The following TRPM2 variants were observed in gnomAD, a reference collection of about 807,000 sequenced individuals.
TRPM2 encodes the protein transient receptor potential cation channel subfamily M member 2.
TRPM2 carries 161 observed loss-of-function variants against 174.0 expected under a neutral mutation model. That is an observed-to-expected ratio of 0.93 (90% confidence interval 0.81 to 1.05). The LOEUF (loss-of-function observed/expected upper bound fraction) is 1.05. Among genes scored for constraint, TRPM2 ranks in the 50% least tolerant of loss-of-function variants. TRPM2 has a pLI of 0.00. For synonymous variants in TRPM2, 954 were observed against 861.3 expected, an observed-to-expected ratio of 1.11 and a Z score of -1.88; for missense variants, 2,057 against 2,038.0, an observed-to-expected ratio of 1.01 and a Z score of -0.18.
At chr21:44,407,299 TA>T (rs2049936082) in intron 19 of TRPM2, among the ~76,000 whole-genome samples, 1 of 148,500 alleles carries the variant, frequency 6.7e-6, no homozygotes, top group Non-Finnish European at 1.5e-5. Context: ...CTAATTTTTG[TA>T]TTTTTTGTAG....
intron 22 of TRPM2, among the ~76,000 whole-genome samples, chr21:44,420,280 G>A (rs534711651): frequency 1.8e-4 from 28 of 152,164 alleles, no homozygotes; most frequent in African/African-American, 5.8e-4. Flanking sequence ...ATCCCCTGTC[G>A]TTCTGGAATC....
chr21:44,441,612 T>C, intron 31 of TRPM2, 80 bp from the exon 32 acceptor site: 1 of 1,492,616 alleles, frequency 6.7e-7, no homozygotes, highest in Non-Finnish European at 8.9e-7. Flanking sequence ...CCCCAAGCCC[T>C]CGAAGGCTGC....
chr21:44,436,984 AG>A, intron 28 of TRPM2, 77 bp from the exon 29 acceptor site: 2 of 1,315,784 alleles, frequency 1.5e-6, no homozygotes. Flanking sequence ...CGCCCCAGGC[AG>A]GGCCAGCCCC....
intron 8 of TRPM2, 108 bp from the exon 9 acceptor site, chr21:44,382,610 G>T (rs1012302991): frequency 1.9e-6 from 2 of 1,025,824 alleles, no homozygotes; most frequent in Middle Eastern, 2.3e-4. Context: ...ACAAGCGCAG[G>T]CAGGACCCAA....
intron 29 of TRPM2, among the ~76,000 whole-genome samples, chr21:44,437,389 T>C (rs1480275980): frequency 6.6e-6 from 1 of 152,162 alleles, no homozygotes; most frequent in Non-Finnish European, 1.5e-5. Context: ...GATCTTTTGG[T>C]GCATAAACAC....
chr21:44,429,602 T>C (rs1043822458), intron 27 of TRPM2, among the ~76,000 whole-genome samples: 5 of 152,204 alleles, frequency 3.3e-5, no homozygotes, highest in African/African-American at 1.2e-4. Context: ...CATTTTTTTA[T>C]ATTTTCAATT....
At chr21:44,426,931 G>A (rs185156791) in intron 26 of TRPM2, 79 bp from the exon 27 acceptor site, 2 of 1,447,716 alleles carry the variant, frequency 1.4e-6, no homozygotes, top group Non-Finnish European at 1.9e-6. Context: ...GCCCTTGGTG[G>A]GGGGGTGATC....
rs147761715 is a variant in TRPM2 at position 44,426,769 on chromosome 21, G to T, written c.3872+33G>T. 7.6e-4 allele frequency: 1,229 copies of T among 1,611,844 alleles called. 13 individuals are homozygous for T. The African/African-American group carries it at 0.014, about 18-fold the overall frequency. On this transcript the variant is annotated intron_variant, in intron 26 of 31. Coordinates refer to ENST00000397928, the MANE Select transcript of TRPM2 (RefSeq NM_003307.4). ...TGAGCCGCTGTCCGTGCTCCCAGCTGGCCCCAAACCCAGGGCCTCCTAGGG... is the reference window on the plus strand; with the variant it reads ...TGAGCCGCTGTCCGTGCTCCCAGCTTGCCCCAAACCCAGGGCCTCCTAGGG...
At chr21:44,403,759 G>T (rs183350709) in intron 16 of TRPM2, among the ~76,000 whole-genome samples, 235 of 149,888 alleles carry the variant, frequency 1.6e-3, no homozygotes, top group Admixed American at 3.3e-3. Context: ...GCACACACAT[G>T]CATACACATA....
chr21:44,426,274 G>A (rs992937194), intron 25 of TRPM2, among the ~76,000 whole-genome samples: 1 of 152,168 alleles, frequency 6.6e-6, no homozygotes, highest in African/African-American at 2.4e-5. Context: ...CCCTCCTGGT[G>A]CAGGGCTTCT....
chr21:44,354,555 G>T lies in TRPM2; in HGVS notation c.166-93G>T. On this transcript the variant is annotated intron_variant, in intron 1 of 31. Transcript: ENST00000397928. The surrounding 1 kb of genome is among the most constrained non-coding windows in gnomAD (Gnocchi z 4.3). ...CTTCCTTCCTTCAAGCAAATAGTGT[G>T]AAAGCTCCTCAAGGAGCTCAGATGT... The T allele has an allele frequency of 8.7e-7, 1 of 1,144,390 alleles. No homozygotes were observed. Among genetic ancestry groups the T allele is most frequent in the South Asian group, 1.3e-5 (1 of 78,764 alleles). The allele number at this position is 1,144,390 out of a possible 1,614,324, so 70.9% of individuals were successfully genotyped here. A position where few individuals can be genotyped will look rare whatever the true frequency, so the allele number is the denominator to read the frequency against.
chr21:44,355,273 C>A (rs1166796681), intron 2 of TRPM2, among the ~76,000 whole-genome samples: 2 of 151,672 alleles, frequency 1.3e-5, no homozygotes, highest in African/African-American at 2.4e-5. Context: ...GCAACATGGC[C>A]ACTGTCTCTG....
At position 44,367,135 on chromosome 21, in the gene TRPM2, G is replaced by A. The variant is rs1569021628; in HGVS notation, c.604+201G>A. Among the ~76,000 whole-genome samples the A allele has an allele frequency of 6.6e-6, 1 of 152,176 alleles. No homozygotes were observed. The highest frequency in any genetic ancestry group is 1.5e-5 in the Non-Finnish European group (1 of 68,022). ...CCGATGCTCCCACTGGCTTGCCTGT[G>A]GGCTGGAGATGGCTCAGTGCATGGC... On this transcript the variant is annotated intron_variant, in intron 4 of 31. Coordinates refer to ENST00000397928, the MANE Select transcript of TRPM2 (RefSeq NM_003307.4). The surrounding 1 kb of genome is among the most constrained non-coding windows in gnomAD (Gnocchi z 4.6).
intron 27 of TRPM2, among the ~76,000 whole-genome samples, chr21:44,433,035 G>C (rs2051084493): frequency 6.6e-6 from 1 of 152,206 alleles, no homozygotes; most frequent in Non-Finnish European, 1.5e-5. Flanking sequence ...ACTCAGGTGT[G>C]GGGTGGGGGC....
intron 2 of TRPM2, among the ~76,000 whole-genome samples, chr21:44,359,757 A>ATATTT (rs373833142): frequency 1.4e-5 from 2 of 148,026 alleles, no homozygotes; most frequent in African/African-American, 5.0e-5. Flanking sequence ...ATATATATAT[A>ATATTT]TTTTTTTTGA....
intron 19 of TRPM2, among the ~76,000 whole-genome samples, chr21:44,410,650 T>G (rs62218774): frequency 1.6e-3 from 73 of 44,792 alleles, no homozygotes; most frequent in African/African-American, 2.7e-3. Flanking sequence ...AGTTTTGACC[T>G]CACTGTCTTG....
chr21:44,434,282 G>T (rs1304785370), intron 27 of TRPM2, among the ~76,000 whole-genome samples: 1 of 151,780 alleles, frequency 6.6e-6, no homozygotes, highest in Non-Finnish European at 1.5e-5. Flanking sequence ...GACTGTGGCA[G>T]AGACGCTGGC....
chr21:44,396,112 G>A (rs867929387), intron 12 of TRPM2, among the ~76,000 whole-genome samples: 2 of 7,158 alleles, frequency 2.8e-4, no homozygotes, highest in Admixed American at 1.0e-3. Flanking sequence ...CTGTGGAGGG[G>A]TGTGGAGACT....
chr21:44,378,234 C>T (rs1056534369), intron 7 of TRPM2, among the ~76,000 whole-genome samples: 21 of 152,362 alleles, frequency 1.4e-4, no homozygotes, highest in East Asian at 5.8e-4. Flanking sequence ...GCTGCTCTGC[C>T]GGCCTTCCTT....
Sources: gnomAD v4.1 joint callset for allele counts (sites outside exome capture counted in the v4.1 genomes callset) on GRCh38, gnomAD v4.1.1 for gene constraint, Gnocchi (gnomAD v3.1) non-coding constraint, MANE v1.5 for transcripts, NCBI Gene and HGNC (gene_info 2026-07-23, HGNC 2026-07-21) for gene names.